FGF14: variants seen among roughly 807,000 people sequenced by gnomAD.
FGF14 encodes the protein fibroblast growth factor 14.
Under a neutral mutation model 25.5 loss-of-function variants are expected in FGF14, and 5 were observed. The ratio of observed to expected loss-of-function variants is 0.20; its 90% CI spans 0.10 to 0.41. The LOEUF (loss-of-function observed/expected upper bound fraction) is 0.41. Ranked by LOEUF, FGF14 falls within the 10% of genes least tolerant of loss-of-function variation. The pLI is 1.00. For missense variants in FGF14, 222 were observed against 320.1 expected (o/e 0.69, Z 2.34); for synonymous variants, 138 against 118.3 (o/e 1.17, Z -1.08).
chr13:101,871,676 C>A (rs1322449538), intron 2 of FGF14, among the ~76,000 whole-genome samples: 1 of 151,838 alleles, frequency 6.6e-6, no homozygotes, highest in Non-Finnish European at 1.5e-5. Flanking sequence ...CATGGCATCC[C>A]CAAAAGCAAA....
intron 1 of FGF14, among the ~76,000 whole-genome samples, chr13:102,213,604 ATTG>A: frequency 6.6e-6 from 1 of 152,324 alleles, no homozygotes; most frequent in East Asian, 1.9e-4. Flanking sequence ...TTAGATAATT[ATTG>A]TTGTTGTCAA....
At chr13:101,732,761 ATGT>A (rs756773174) in intron 3 of FGF14, among the ~76,000 whole-genome samples, 3 of 152,366 alleles carry the variant, frequency 2.0e-5, no homozygotes, top group Admixed American at 6.5e-5. Context: ...TGCAACTCAA[ATGT>A]TGTTATCATG....
intron 1 of FGF14, among the ~76,000 whole-genome samples, chr13:102,053,829 T>A (rs958421201): frequency 6.6e-6 from 1 of 152,136 alleles, no homozygotes; most frequent in Non-Finnish European, 1.5e-5. Flanking sequence ...GAATAGAACT[T>A]AAGTTCTACT....
intron 1 of FGF14, among the ~76,000 whole-genome samples, chr13:102,385,355 GCTTA>G (rs1223955160): frequency 6.6e-6 from 1 of 152,062 alleles, no homozygotes; most frequent in East Asian, 1.9e-4. Flanking sequence ...TATCTATGTG[GCTTA>G]CTTACTTATG....
intron 1 of FGF14, among the ~76,000 whole-genome samples, chr13:101,954,015 T>C (rs940609333): frequency 5.3e-5 from 8 of 152,172 alleles, no homozygotes; most frequent in Non-Finnish European, 8.8e-5. Flanking sequence ...TGCTTGAACA[T>C]TGTCTGCAGT....
chr13:101,968,776 C>T (rs1306786689), intron 1 of FGF14, among the ~76,000 whole-genome samples: 2 of 151,548 alleles, frequency 1.3e-5, no homozygotes, highest in African/African-American at 2.4e-5. Context: ...GATCATACAG[C>T]TGCCAGACTA....
At chr13:101,981,082 A>AACACAC (rs58666555) in intron 1 of FGF14, among the ~76,000 whole-genome samples, 17,375 of 123,568 alleles carry the variant, frequency 0.14, 1,325 homozygotes, top group Admixed American at 0.18. Flanking sequence ...TCTCTACTAA[A>AACACAC]ACACACACAC....
intron 1 of FGF14, among the ~76,000 whole-genome samples, chr13:101,954,787 G>T (rs2036410332): frequency 1.3e-5 from 2 of 152,148 alleles, no homozygotes; most frequent in African/African-American, 4.8e-5. Context: ...TAACAAAATA[G>T]CAGTATAAGT....
chr13:101,821,757 T>C (rs1163916611), intron 3 of FGF14, among the ~76,000 whole-genome samples: 1 of 152,154 alleles, frequency 6.6e-6, no homozygotes, highest in Non-Finnish European at 1.5e-5. Flanking sequence ...ATGGTATCAG[T>C]TTGTGGTATT....
chr13:101,916,459 G>A lies in FGF14; in HGVS notation c.187C>T (p.Arg63Cys), dbSNP rs768229163. The A allele has an allele frequency of 6.2e-6, 10 of 1,613,824 alleles. No homozygotes were observed. The highest frequency in any genetic ancestry group is 5.0e-5 in the Admixed American group (3 of 60,014). Residue 63 changes from arginine to cysteine, a missense_variant, in exon 1 of 5, where the codon CGC becomes TGC. By Grantham distance (180) the Arg-to-Cys change is radical. Coordinates refer to ENST00000376143, the MANE Select transcript of FGF14 (RefSeq NM_004115.4). ...IFGLKKRRLR[R>C]QDPQLKGIVT... ...GACCATGACCCCCACAGACCTTGGC[G>A]CCGCAACCTGCGCTTCTTGAGGCCG...
intron 1 of FGF14, among the ~76,000 whole-genome samples, chr13:102,033,521 G>C (rs2041318904): frequency 6.6e-6 from 1 of 152,024 alleles, no homozygotes; most frequent in African/African-American, 2.4e-5. Flanking sequence ...ACACACTCAT[G>C]CACGCATACT....
At chr13:101,731,221 ACT>A (rs527581656) in intron 3 of FGF14, among the ~76,000 whole-genome samples, 3 of 152,120 alleles carry the variant, frequency 2.0e-5, no homozygotes, top group Admixed American at 6.6e-5. Flanking sequence ...CCAGTGAAAC[ACT>A]CTCTAAAACT....
At chr13:102,016,900 C>A (rs948509895) in intron 1 of FGF14, 9 of 152,258 alleles carry the variant, frequency 5.9e-5, no homozygotes, top group African/African-American at 2.2e-4. Flanking sequence ...GTGCCCCTCC[C>A]CCAGTAGCAT....
At chr13:101,969,550 T>C (rs1401446574) in intron 1 of FGF14, among the ~76,000 whole-genome samples, 1 of 152,232 alleles carries the variant, frequency 6.6e-6, no homozygotes, top group Admixed American at 6.5e-5. Flanking sequence ...AATGAGTCAT[T>C]TGTGAAACCC....
At chr13:101,725,589 TTTAAA>T (rs2035366363) in intron 4 of FGF14, among the ~76,000 whole-genome samples, 1 of 152,044 alleles carries the variant, frequency 6.6e-6, no homozygotes, top group African/African-American at 2.4e-5. Flanking sequence ...TGTTCAAATT[TTTAAA>T]TTATTTTATT....
chr13:101,968,451 A>C lies in FGF14; in HGVS notation c.209-93155T>G, dbSNP rs181364052. Among the ~76,000 whole-genome samples the C allele has an allele frequency of 2.8e-3, 426 of 152,232 alleles. 3 individuals carry two copies. Among genetic ancestry groups the C allele is most frequent in the Non-Finnish European group, 2.3e-3 (158 of 68,016 alleles). On this transcript the variant is annotated intron_variant, in intron 1 of 4. Transcript: ENST00000376131. Reference sequence around the variant, plus strand: ...CACTTTGGGAGACCGAGGCAGGCGGATCATGAGGTCAGGAGATCGAGACCA... The same window carrying C: ...CACTTTGGGAGACCGAGGCAGGCGGCTCATGAGGTCAGGAGATCGAGACCA...
chr13:101,727,070 A>T (rs2035487936), intron 3 of FGF14, among the ~76,000 whole-genome samples: 1 of 152,162 alleles, frequency 6.6e-6, no homozygotes, highest in South Asian at 2.1e-4. Flanking sequence ...TAAAGATTTA[A>T]CTTAAACAGA....
chr13:102,273,784 C>T (rs997603952), intron 1 of FGF14, among the ~76,000 whole-genome samples: 4 of 151,586 alleles, frequency 2.6e-5, no homozygotes, highest in Non-Finnish European at 4.4e-5. Context: ...GCTAATAATA[C>T]AAAAATTAGC....
intron 1 of FGF14, among the ~76,000 whole-genome samples, chr13:102,039,858 C>G (rs1419240740): frequency 6.6e-6 from 1 of 152,108 alleles, no homozygotes; most frequent in Non-Finnish European, 1.5e-5. Context: ...TCAGAGAAAT[C>G]CATCCTCTGT....
Sources: gnomAD v4.1 joint callset for allele counts (sites outside exome capture counted in the v4.1 genomes callset) on GRCh38, gnomAD v4.1.1 for gene constraint, MANE v1.5 for transcripts, NCBI Gene and HGNC (gene_info 2026-07-23, HGNC 2026-07-21) for gene names.